Variants in ZNF619 observed in about 807,000 individuals in gnomAD.
ZNF619 encodes the protein zinc finger protein 619.
ZNF619 carries 9 observed loss-of-function variants against 14.2 expected under a neutral mutation model. The ratio of observed to expected loss-of-function variants is 0.64; its 90% CI spans 0.38 to 1.11. The LOEUF (loss-of-function observed/expected upper bound fraction) is 1.11. Ranked by LOEUF, ZNF619 falls within the 50% of genes least tolerant of loss-of-function variation. The pLI, the probability that ZNF619 is intolerant of heterozygous loss-of-function variation, is 0.01. For missense variants in ZNF619, 659 were observed against 680.1 expected, an observed-to-expected ratio of 0.97 and a Z score of 0.34; for synonymous variants, 246 against 252.8, an observed-to-expected ratio of 0.97 and a Z score of 0.26.
In ZNF619 at chr3:40,487,974, G is replaced by A. The variant is rs1165960462; in HGVS notation, c.1464G>A (p.Gly488=). The A allele has an allele frequency of 1.2e-6, 2 of 1,614,174 alleles. No homozygotes were observed. The highest frequency in any genetic ancestry group is 1.1e-5 in the South Asian group (1 of 91,082). The change falls in exon 5 of 5, where the codon GGG becomes GGA. Residue 488 remains glycine (G), a synonymous_variant. Coordinates refer to ENST00000432264, the MANE Select transcript of ZNF619 (RefSeq NM_001145093.4). ...HTRKKLINGT[G]LSAVKPYCPC... ...GGAAGAAACTCATCAATGGAACAGGGCTATCCGCAGTTAAGCCCTACTGTC... is the reference window on the plus strand; with the variant it reads ...GGAAGAAACTCATCAATGGAACAGGACTATCCGCAGTTAAGCCCTACTGTC...
chr3:40,487,996 T>C lies in ZNF619; in HGVS notation c.1486T>C (p.Cys496Arg), dbSNP rs1306656341. Residue 496 changes from cysteine (C) to arginine (R), a missense_variant, in exon 5 of 5, where the codon TGT (cysteine) becomes CGT (arginine). Cys to Arg is a radical substitution (Grantham distance 180). Transcript: ENST00000432264. ...GTGLSAVKPY[C>R]PCAILSPLPP... is the part of the protein sequence containing the mutation. ...AGGGCTATCCGCAGTTAAGCCCTAC[T>C]GTCCCTGCGCCATCCTCTCTCCTCT... The C allele has an allele frequency of 1.2e-6, 2 of 1,614,070 alleles. No homozygotes were observed. The highest frequency in any genetic ancestry group is 3.3e-5 in the Admixed American group (2 of 60,012).
chr3:40,481,895 A>T lies in ZNF619; in HGVS notation c.57A>T (p.Pro19=). ...GLGRNLLFQE[P]VTFEDVAVYF... The stretch of plus-strand genomic sequence containing the variant: ...GCAGGAACCTGTTGTTTCAGGAGCC[A>T]GTAACCTTTGAGGATGTGGCTGTGT... The change falls in exon 3 of 5, where the codon CCA becomes CCT. Residue 19 remains proline, a synonymous_variant. Transcript: ENST00000432264. The T allele has an allele frequency of 6.2e-7, 1 of 1,612,968 alleles. No homozygotes were observed. The highest frequency in any genetic ancestry group is 8.5e-7 in the Non-Finnish European group (1 of 1,179,422).
chr3:40,485,554 C>T lies in ZNF619; in HGVS notation c.296-1252C>T, dbSNP rs531658087. On this transcript the variant is annotated intron_variant, in intron 4 of 4. Transcript: ENST00000432264. ...CTGAAATCAGGTGATCCACCTGCCTCGGCCTCCCAAAGTGCTGGGATTACA... is the reference window on the plus strand; with the variant it reads ...CTGAAATCAGGTGATCCACCTGCCTTGGCCTCCCAAAGTGCTGGGATTACA... Among the ~76,000 whole-genome samples, 42 of 152,222 alleles carry T rather than the reference C, an allele frequency of 2.8e-4. No individual in the cohort carries two copies. The South Asian group carries it at 7.5e-3, about 27-fold the overall frequency.
Position 40,488,144 on chromosome 3 carries a change from AC to A in ZNF619, c.1637del (p.Pro546LeufsTer6), listed in dbSNP as rs1217664499. The A allele has an allele frequency of 6.2e-7, 1 of 1,613,694 alleles. No individual in the cohort carries two copies. ...CTGCTTCCCTCATCTGAAAAGGCCA[AC>A]CCTTCACCTGTCCAAATAGCACATT... ...FLLLPSSEKA[N>X]PSPVQIAHFF... On this transcript the variant is annotated frameshift_variant, in exon 5 of 5. Coordinates refer to ENST00000432264, the MANE Select transcript of ZNF619 (RefSeq NM_001145093.4). LOFTEE classifies it low-confidence loss of function (END_TRUNC).
intron 4 of ZNF619, chr3:40,483,873 C>G (rs566856086): frequency 2.8e-5 from 9 of 320,168 alleles, no homozygotes; most frequent in South Asian, 2.1e-4. Flanking sequence ...GTTGATCTGC[C>G]CACCTCAGCC....
At position 40,482,582 on chromosome 3, in the gene ZNF619, C is replaced by T. The variant is rs1163764523; in HGVS notation, c.179-6C>T. 4 of 1,613,688 alleles carry T rather than the reference C, an allele frequency of 2.5e-6. No individual in the cohort carries two copies. The highest frequency in any genetic ancestry group is 3.4e-6 in the Non-Finnish European group (4 of 1,179,640). ...CAGCTTCATGTTCCTTTTCTTTCTC[C>T]TGTAGCAGCATTTCCATTCCCCAAA... On this transcript the variant is annotated splice_region_variant and splice_polypyrimidine_tract_variant and intron_variant, in intron 3 of 4. Transcript: ENST00000432264.
chr3:40,480,499 C>CTTTTT (rs36016449), intron 2 of ZNF619, among the ~76,000 whole-genome samples: 3 of 133,052 alleles, frequency 2.3e-5, no homozygotes, highest in African/African-American at 5.8e-5. Context: ...CTGCATAGTA[C>CTTTTT]TTTTTTTTTT....
At chr3:40,486,717 T>G in intron 4 of ZNF619, 89 bp from the exon 5 acceptor site, 1 of 1,017,116 alleles carries the variant, frequency 9.8e-7, no homozygotes, top group Non-Finnish European at 1.4e-6. Context: ...AAAAAAAAAT[T>G]CATGTGTCTA....
Position 40,489,114 on chromosome 3 carries a change from G to A in ZNF619, c.*873G>A, listed in dbSNP as rs1471728710. The A allele has an allele frequency of 6.6e-6, 1 of 151,798 alleles. No individual in the cohort carries two copies. Among genetic ancestry groups the A allele is most frequent in the Non-Finnish European group, 1.5e-5 (1 of 67,958 alleles). 9.4% of individuals were successfully genotyped at this position (151,798 alleles called of 1,614,324 possible). A position where few individuals can be genotyped will look rare whatever the true frequency, so the allele number is the denominator to read the frequency against. On this transcript the variant is annotated 3_prime_UTR_variant, in exon 5 of 5. Transcript: ENST00000432264. Reference sequence around the variant, plus strand: ...ATGAAGTGATGAGTTGGCATTGATAGCAATAATGTAAAATTATGTCTTTGA... The same window carrying A: ...ATGAAGTGATGAGTTGGCATTGATAACAATAATGTAAAATTATGTCTTTGA...
At chr3:40,479,083 G>T (rs1216527552) in intron 2 of ZNF619, among the ~76,000 whole-genome samples, 1 of 152,114 alleles carries the variant, frequency 6.6e-6, no homozygotes, top group African/African-American at 2.4e-5. Context: ...TATGCTCTCA[G>T]GCTCTGTCTT....
In ZNF619 at chr3:40,487,216, G is replaced by C. The variant is rs1697628067; in HGVS notation, c.706G>C (p.Glu236Gln). The C allele has an allele frequency of 1.2e-6, 2 of 1,614,088 alleles. No individual in the cohort carries two copies. The highest frequency in any genetic ancestry group is 1.7e-6 in the Non-Finnish European group (2 of 1,180,066). Reference sequence around the variant, plus strand: ...TAATGAGAAGCCCTACACATGCAAAGAATGTGGGAAAACCTTCAGATATAA... The same window carrying C: ...TAATGAGAAGCCCTACACATGCAAACAATGTGGGAAAACCTTCAGATATAA... Reference protein sequence around the residue: ...HTNEKPYTCKECGKTFRYNSK... With the variant: ...HTNEKPYTCKQCGKTFRYNSK... The change falls in exon 5 of 5, where the codon GAA (glutamate) becomes CAA (glutamine). Residue 236 changes from glutamate (E) to glutamine (Q), a missense_variant. Physicochemically the swap from Glu to Gln is conservative, Grantham distance 29. Coordinates refer to ENST00000432264, the MANE Select transcript of ZNF619 (RefSeq NM_001145093.4).
At position 40,487,680 on chromosome 3, in the gene ZNF619, C is replaced by T. The variant is rs1697656633; in HGVS notation, c.1170C>T (p.His390=). ...ACCGCAGTTCGGTATTTCTTCAGCA[C>T]CAGAGGTTCCACACTGGGGAACAAC... ...AFHRSSVFLQ[H]QRFHTGEQLY... Residue 390 remains histidine (H), a synonymous_variant, in exon 5 of 5, where the codon CAC becomes CAT. Transcript: ENST00000432264. 6.2e-7 allele frequency: 1 copy of T among 1,613,316 alleles called. No individual in the cohort carries two copies. Among genetic ancestry groups the T allele is most frequent in the Admixed American group, 1.7e-5 (1 of 59,934 alleles).
chr3:40,484,572 T>G (rs142654470), intron 4 of ZNF619, among the ~76,000 whole-genome samples: 1 of 152,218 alleles, frequency 6.6e-6, no homozygotes, highest in Non-Finnish European at 1.5e-5. Flanking sequence ...TTTCAGATCA[T>G]GTAGGGGCTT....
intron 4 of ZNF619, 66 bp downstream of exon 4, chr3:40,482,770 A>G: frequency 7.8e-7 from 1 of 1,278,340 alleles, no homozygotes; most frequent in Non-Finnish European, 1.1e-6. Context: ...ACAATTTAGC[A>G]TGAAAAAGGT....
At chr3:40,484,408 C>G (rs1697512518) in intron 4 of ZNF619, among the ~76,000 whole-genome samples, 1 of 152,170 alleles carries the variant, frequency 6.6e-6, no homozygotes, top group South Asian at 2.1e-4. Context: ...AATGTAAAGA[C>G]CAATCAGAGA....
In ZNF619 at chr3:40,487,121, A is replaced by G; in HGVS notation, c.611A>G (p.Tyr204Cys). Residue 204 changes from tyrosine (Y) to cysteine (C), a missense_variant, in exon 5 of 5, where the codon TAT becomes TGT. By Grantham distance (194) the Tyr-to-Cys change is radical (BLOSUM62 -2). Transcript: ENST00000432264. ...GGTTTTGCCAAAGAACAGGTGTTTT[A>G]TAAATGTGGTGAGTGTGGCAGTTAC... ...KQGFAKEQVF[Y>C]KCGECGSYYN... is the part of the protein sequence containing the mutation. The G allele has an allele frequency of 6.2e-7, 1 of 1,614,164 alleles. No individual in the cohort carries two copies. Among genetic ancestry groups the G allele is most frequent in the Non-Finnish European group, 8.5e-7 (1 of 1,180,046 alleles).
At position 40,484,689 on chromosome 3, in the gene ZNF619, C is replaced by T. The variant is rs542496977; in HGVS notation, c.295+1985C>T. On this transcript the variant is annotated intron_variant, in intron 4 of 4. Transcript: ENST00000432264. ...ATGAACACCTGAAGTGTGTCTAGTG[C>T]AGCTGAGGAACTGAGTTTTTAATTT... Among the ~76,000 whole-genome samples the T allele has an allele frequency of 5.3e-5, 8 of 152,316 alleles. No individual in the cohort carries two copies. The East Asian group carries it at 1.2e-3, about 22-fold the overall frequency.
At chr3:40,483,301 T>C (rs994136571) in intron 4 of ZNF619, among the ~76,000 whole-genome samples, 1 of 151,980 alleles carries the variant, frequency 6.6e-6, no homozygotes, top group Non-Finnish European at 1.5e-5. Flanking sequence ...GGTTTTTTTT[T>C]TTTTTTTGAG....
At chr3:40,477,397 C>T (rs1697229111) in intron 1 of ZNF619, 40 bp downstream of exon 1, 1 of 154,576 alleles carries the variant, frequency 6.5e-6, no homozygotes, top group Non-Finnish European at 1.4e-5. Flanking sequence ...TATAGGGTCT[C>T]CTGCTTCCCA....
Sources: gnomAD v4.1 joint callset for allele counts (sites outside exome capture counted in the v4.1 genomes callset) on GRCh38, gnomAD v4.1.1 for gene constraint, MANE v1.5 for transcripts, NCBI Gene and HGNC (gene_info 2026-07-23, HGNC 2026-07-21) for gene names.